KIAA1549L: variants seen among roughly 807,000 people sequenced by gnomAD.
KIAA1549L encodes the protein KIAA1549 like.
In KIAA1549L, 88 loss-of-function variants were observed where a neutral mutation model predicts 160.7. That is an observed-to-expected ratio of 0.55 (90% CI 0.46 to 0.65). KIAA1549L has a LOEUF of 0.65. Among genes scored for constraint, KIAA1549L ranks in the 30% least tolerant of loss-of-function variants. The pLI, the probability that KIAA1549L is intolerant of heterozygous loss-of-function variation, is 0.00. For missense variants in KIAA1549L, 2,258 were observed against 2,437.5 expected (o/e 0.93, Z 1.55); for synonymous variants, 950 against 976.7 (o/e 0.97, Z 0.51).
intron 1 of KIAA1549L, among the ~76,000 whole-genome samples, chr11:33,513,099 T>G (rs1317987986): frequency 6.6e-6 from 1 of 152,210 alleles, no homozygotes; most frequent in Admixed American, 6.5e-5. Context: ...CCAGGCACTC[T>G]CCACACAGTG....
At chr11:33,561,507 G>GC (rs569730272) in intron 7 of KIAA1549L, among the ~76,000 whole-genome samples, 169 bp from the exon 8 acceptor site, 196 of 152,310 alleles carry the variant, frequency 1.3e-3, no homozygotes, top group African/African-American at 4.5e-3. Context: ...CATAATGCAT[G>GC]TTATAGTCCA....
chr11:33,653,723 A>T (rs1181481501), intron 17 of KIAA1549L, among the ~76,000 whole-genome samples: 1 of 151,858 alleles, frequency 6.6e-6, no homozygotes, highest in Non-Finnish European at 1.5e-5. Context: ...TGCATGTTAG[A>T]CCTGCTCATT....
intron 1 of KIAA1549L, among the ~76,000 whole-genome samples, chr11:33,499,784 T>C (rs1338824835): frequency 6.6e-6 from 1 of 152,268 alleles, no homozygotes; most frequent in African/African-American, 2.4e-5. Flanking sequence ...ATTTGATAAA[T>C]GTGCATTTAT....
intron 8 of KIAA1549L, among the ~76,000 whole-genome samples, chr11:33,566,667 A>T (rs946139174): frequency 1.3e-5 from 2 of 152,184 alleles, no homozygotes; most frequent in Admixed American, 1.3e-4. Flanking sequence ...TTTAAACATC[A>T]TTCTCTGTAT....
chr11:33,579,771 C>G (rs979201344), intron 10 of KIAA1549L, among the ~76,000 whole-genome samples: 1 of 152,178 alleles, frequency 6.6e-6, no homozygotes, highest in Admixed American at 6.5e-5. Context: ...GGTGAAGGAA[C>G]GTAGCTAGTG....
chr11:33,448,551 G>C (rs1204078494), intron 1 of KIAA1549L, among the ~76,000 whole-genome samples: 1 of 152,158 alleles, frequency 6.6e-6, no homozygotes, highest in Admixed American at 6.5e-5. Flanking sequence ...AGAGGAGGCT[G>C]CAGGTCTGTG....
intron 1 of KIAA1549L, among the ~76,000 whole-genome samples, chr11:33,540,486 C>G (rs1313890769): frequency 1.3e-5 from 2 of 152,156 alleles, no homozygotes; most frequent in Non-Finnish European, 2.9e-5. Flanking sequence ...GAAATTGAGG[C>G]TATCTAGGAG....
chr11:33,549,637 T>G (rs565189361), intron 4 of KIAA1549L, among the ~76,000 whole-genome samples: 2 of 152,316 alleles, frequency 1.3e-5, no homozygotes, highest in Non-Finnish European at 2.9e-5. Context: ...CCCATCCTGT[T>G]GCAAAATCAG....
intron 1 of KIAA1549L, among the ~76,000 whole-genome samples, chr11:33,483,503 G>A (rs1852456417): frequency 6.6e-6 from 1 of 152,138 alleles, no homozygotes; most frequent in Non-Finnish European, 1.5e-5. Flanking sequence ...TGACCCACTT[G>A]GCATACCACT....
At position 33,609,838 on chromosome 11, in the gene KIAA1549L, C is replaced by T. The variant is rs1280287787; in HGVS notation, c.5151C>T (p.Phe1717=). 1 of 1,613,922 alleles carries T rather than the reference C, an allele frequency of 6.2e-7. No individual in the cohort carries two copies. Among genetic ancestry groups the T allele is most frequent in the South Asian group, 1.1e-5 (1 of 91,068 alleles). The part of the protein sequence containing the change: ...LKAKRKGYYD[F]PAVETSKGLT... ...CCAAGAGGAAGGGATATTACGACTT[C>T]CCTGCAGTGGAGACGAGCAAGGGTC... The change falls in exon 15 of 21, where the codon TTC becomes TTT. Residue 1717 remains phenylalanine (F), a synonymous_variant. Transcript: ENST00000658780.
intron 1 of KIAA1549L, among the ~76,000 whole-genome samples, chr11:33,391,089 G>T (rs906276030): frequency 7.9e-5 from 12 of 152,236 alleles, no homozygotes; most frequent in African/African-American, 2.9e-4. Flanking sequence ...AGTCAGATTT[G>T]CTGCGTGGTC....
chr11:33,476,701 C>T (rs890731927), intron 1 of KIAA1549L, among the ~76,000 whole-genome samples: 7 of 152,198 alleles, frequency 4.6e-5, no homozygotes, highest in Non-Finnish European at 1.0e-4. Context: ...TTGCCCCCAA[C>T]CTCCCAGCTC....
In KIAA1549L at chr11:33,668,188, C is replaced by A. The variant is rs892587472; in HGVS notation, c.*34C>A. 6.3e-7 allele frequency: 1 copy of A among 1,588,912 alleles called. No homozygotes were observed. Among genetic ancestry groups the A allele is most frequent in the Non-Finnish European group, 8.6e-7 (1 of 1,164,950 alleles). On this transcript the variant is annotated 3_prime_UTR_variant, in exon 21 of 21. Coordinates refer to ENST00000658780, the MANE Select transcript of KIAA1549L (RefSeq NM_012194.3). ...CCCCGTGGGACTCTGGACTTCCAAA[C>A]TCTGAGGACTCAGCCTTTGGGTTTC... is the stretch of plus-strand genomic sequence containing the variant.
At chr11:33,398,259 T>G (rs527885446) in intron 1 of KIAA1549L, among the ~76,000 whole-genome samples, 1 of 150,894 alleles carries the variant, frequency 6.6e-6, no homozygotes, top group South Asian at 2.1e-4. Flanking sequence ...CATATGTTAA[T>G]ATTGTTCAAA....
chr11:33,607,957 T>G (rs1049606513), intron 14 of KIAA1549L, among the ~76,000 whole-genome samples: 5 of 152,204 alleles, frequency 3.3e-5, no homozygotes, highest in Non-Finnish European at 7.3e-5. Context: ...AAGCTGAAGC[T>G]TGAGGGGTCC....
At chr11:33,435,818 G>GTATATATATATATA (rs1178288261) in intron 1 of KIAA1549L, among the ~76,000 whole-genome samples, 1 of 45,308 alleles carries the variant, frequency 2.2e-5, no homozygotes, top group African/African-American at 8.5e-5. Flanking sequence ...ATATGTGTGT[G>GTATATATATATATA]TATATATATA....
rs939395656 is a variant in KIAA1549L, at chr11:33,559,943, T to C, written c.4018+32T>C. 1.9e-6 allele frequency: 3 copies of C among 1,600,416 alleles called. No individual in the cohort carries two copies. In the African/African-American group the frequency reaches 4.0e-5, roughly 21 times the overall value. Reference sequence around the variant, plus strand: ...ATGGCCATGCCTATGGGGACCCCAGTGTTTCCCCTGTGGCCTTTCTCCATT... The same window carrying C: ...ATGGCCATGCCTATGGGGACCCCAGCGTTTCCCCTGTGGCCTTTCTCCATT... On this transcript the variant is annotated intron_variant, in intron 7 of 20. Transcript: ENST00000658780.
intron 1 of KIAA1549L, among the ~76,000 whole-genome samples, chr11:33,506,221 C>T (rs1197611365): frequency 6.6e-6 from 1 of 152,198 alleles, no homozygotes; most frequent in Non-Finnish European, 1.5e-5. Context: ...GGCCCTGGCT[C>T]TGCCCTTTAT....
intron 1 of KIAA1549L, among the ~76,000 whole-genome samples, chr11:33,527,513 T>G (rs1853639937): frequency 6.6e-6 from 1 of 152,182 alleles, no homozygotes; most frequent in Non-Finnish European, 1.5e-5. Context: ...AAAACTCTTC[T>G]AGACATTGAC....
Sources: gnomAD v4.1 joint callset for allele counts (sites outside exome capture counted in the v4.1 genomes callset) on GRCh38, gnomAD v4.1.1 for gene constraint, MANE v1.5 for transcripts, NCBI Gene and HGNC (gene_info 2026-07-23, HGNC 2026-07-21) for gene names.